Variants in MIP observed in about 807,000 individuals in gnomAD.
MIP encodes the protein major intrinsic protein of lens fiber.
A neutral mutation model predicts 21.8 loss-of-function variants in MIP; 14 were observed. That is an observed-to-expected ratio of 0.64 (90% confidence interval 0.42 to 1.00). MIP has a LOEUF of 1.00. MIP is among the 50% of genes least tolerant of loss of function. The pLI, the probability that MIP is intolerant of heterozygous loss-of-function variation, is 0.00. For missense variants in MIP, 260 were observed against 333.5 expected (o/e 0.78, Z 1.72); for synonymous variants, 133 against 141.4 (o/e 0.94, Z 0.42).
rs1001940981 is a variant in MIP, at chr12:56,454,600, C to T, written c.14G>A (p.Arg5Gln). 1.6e-5 allele frequency: 26 copies of T among 1,613,916 alleles called. No individual in the cohort carries two copies. The highest frequency in any genetic ancestry group is 1.9e-5 in the Non-Finnish European group (23 of 1,180,004). ...TATGGCCCTCCAAAAGGAGGCTGAT[C>T]GCAGTTCCCACATGGCAGGGGGGAT... MWEL[R>Q]SASFWRAIFA... Residue 5 changes from arginine to glutamine, a missense_variant, in exon 1 of 4, where the codon CGA (arginine) becomes CAA (glutamine). Transcript: ENST00000652304.
rs368395591 is a variant in MIP, at chr12:56,453,514, G to A, written c.525+77C>T. On this transcript the variant is annotated intron_variant, in intron 2 of 3. Coordinates refer to ENST00000652304, the MANE Select transcript of MIP (RefSeq NM_012064.4). ...TCATGTTTGACAGTGAAGTAGGCAG[G>A]AAGAACCCTTAAAAGTTGGGAAAGG... The A allele has an allele frequency of 4.6e-6, 7 of 1,519,684 alleles. No homozygotes were observed. The African/African-American group carries it at 9.6e-5, about 21-fold the overall frequency. The allele number at this position is 1,519,684 out of a possible 1,614,324, so 94.1% of individuals were successfully genotyped here.
chr12:56,454,300 T>G lies in MIP; in HGVS notation c.314A>C (p.Tyr105Ser). Residue 105 changes from tyrosine to serine, a missense_variant, in exon 1 of 4, where the codon TAT becomes TCT. Tyr to Ser is a moderately radical substitution (Grantham distance 144). Coordinates refer to ENST00000652304, the MANE Select transcript of MIP (RefSeq NM_012064.4). Reference sequence around the variant, plus strand: ...TCGGACAGCAGGTGGGGTAACGCTATACAGCACAGCGGCCCCAGCCACAGC... The same window carrying G: ...TCGGACAGCAGGTGGGGTAACGCTAGACAGCACAGCGGCCCCAGCCACAGC... ...LGAVAGAAVLYSVTPPAVRGN... is the reference protein window; with the variant it reads ...LGAVAGAAVLSSVTPPAVRGN... 6.2e-7 allele frequency: 1 copy of G among 1,614,068 alleles called. No individual in the cohort carries two copies. Among genetic ancestry groups the G allele is most frequent in the Non-Finnish European group, 8.5e-7 (1 of 1,180,024 alleles).
At position 56,449,583 on chromosome 12, in the gene MIP, A is replaced by G. The variant is rs1039971634; in HGVS notation, c.*1697T>C. On this transcript the variant is annotated 3_prime_UTR_variant, in exon 4 of 4. Coordinates refer to ENST00000652304, the MANE Select transcript of MIP (RefSeq NM_012064.4). Reference sequence around the variant, plus strand: ...TTTCTGCTGAATTATAGTAGAATCAAAGTCCGATTAGAGGTGAATTTACAA... The same window carrying G: ...TTTCTGCTGAATTATAGTAGAATCAGAGTCCGATTAGAGGTGAATTTACAA... 1 of 152,238 alleles carries G rather than the reference A, an allele frequency of 6.6e-6. No individual in the cohort carries two copies. The highest frequency in any genetic ancestry group is 1.5e-5 in the Non-Finnish European group (1 of 68,036). The allele number at this position is 152,238 out of a possible 1,614,324, so 9.4% of individuals were successfully genotyped here. A position where few individuals can be genotyped will look rare whatever the true frequency, so the allele number is the denominator to read the frequency against.
Position 56,449,913 on chromosome 12 carries a change from C to T in MIP, c.*1367G>A, listed in dbSNP as rs377539610. ...GGGCTGTGCTCTGGCCCCCTGTAAT[C>T]CCAGCTACTGGGGAGGCTGAAGCAG... On this transcript the variant is annotated 3_prime_UTR_variant, in exon 4 of 4. Coordinates refer to ENST00000652304, the MANE Select transcript of MIP (RefSeq NM_012064.4). The T allele has an allele frequency of 6.6e-6, 1 of 152,158 alleles. No individual in the cohort carries two copies. The highest frequency in any genetic ancestry group is 1.5e-5 in the Non-Finnish European group (1 of 68,084). 9.4% of individuals were successfully genotyped at this position (152,158 alleles called of 1,614,324 possible).
Position 56,451,400 on chromosome 12 carries a change from G to A in MIP, c.672C>T (p.Phe224=), listed in dbSNP as rs1000243332. 6.2e-7 allele frequency: 1 copy of A among 1,614,024 alleles called. No homozygotes were observed. The highest frequency in any genetic ancestry group is 8.5e-7 in the Non-Finnish European group (1 of 1,180,040). The part of the protein sequence containing the change: ...LGSLLYDFLL[F]PRLKSISERL... ...TCTCAGAAATACTCTTGAGCCGGGG[G>A]AAGAGAAGAAAGTCGTACAGGAGGC... Residue 224 remains phenylalanine, a synonymous_variant, in exon 4 of 4, where the codon TTC becomes TTT. Coordinates refer to ENST00000652304, the MANE Select transcript of MIP (RefSeq NM_012064.4).
Position 56,453,149 on chromosome 12 carries a change from A to G in MIP, c.529T>C (p.Tyr177His), listed in dbSNP as rs751497665. Residue 177 changes from tyrosine (Y) to histidine (H), a missense_variant, in exon 3 of 4, where the codon TAT becomes CAT. Tyr to His is a moderately conservative substitution (Grantham distance 83, BLOSUM62 2). Transcript: ENST00000652304. ...SLALGHLFGM[Y>H]YTGAGMNPAR... ...GGATTCATGCCTGCACCAGTATAAT[A>G]CATCTGCAAAAGAGACAGTTGTAAC... 3.7e-6 allele frequency: 6 copies of G among 1,611,216 alleles called. No homozygotes were observed. In the South Asian group the frequency reaches 6.6e-5, roughly 18 times the overall value.
At chr12:56,454,705 T>G, upstream of MIP, 1 of 1,539,410 alleles carries the variant, frequency 6.5e-7, no homozygotes, top group African/African-American at 1.4e-5. Flanking sequence ...TCTTAATCCC[T>G]GGGAGGGGCA....
In MIP at chr12:56,451,038, GCA is replaced by G; in HGVS notation, c.*240_*241del. The G allele has an allele frequency of 1.9e-6, 1 of 527,370 alleles. No homozygotes were observed. Among genetic ancestry groups the G allele is most frequent in the Non-Finnish European group, 3.4e-6 (1 of 293,656 alleles). 32.7% of individuals were successfully genotyped at this position (527,370 alleles called of 1,614,324 possible). ...ACACTCACATTCATATGCACAATCAGCACACACGGCGAAGGGTGGTGGGATGG... is the reference window on the plus strand; with the variant it reads ...ACACTCACATTCATATGCACAATCAGCACACGGCGAAGGGTGGTGGGATGG... On this transcript the variant is annotated 3_prime_UTR_variant, in exon 4 of 4. Transcript: ENST00000652304.
In MIP at chr12:56,451,289, C is replaced by T. The variant is rs1482659479; in HGVS notation, c.783G>A (p.Gln261=). The change falls in exon 4 of 4, where the codon CAG becomes CAA. Residue 261 remains glutamine, a synonymous_variant. Coordinates refer to ENST00000652304, the MANE Select transcript of MIP (RefSeq NM_012064.4). ...VTGEPVELNT[Q]AL is the part of the protein sequence containing the mutation. The stretch of plus-strand genomic sequence containing the variant: ...TATTCAGCTGGAGCTTCTACAGGGC[C>T]TGGGTGTTCAGTTCAACAGGTTCCC... 6.2e-7 allele frequency: 1 copy of T among 1,613,466 alleles called. No individual in the cohort carries two copies. The highest frequency in any genetic ancestry group is 1.3e-5 in the African/African-American group (1 of 74,902).
chr12:56,454,232 T>A (rs1868720745), intron 1 of MIP, 22 bp downstream of exon 1: 1 of 1,613,714 alleles, frequency 6.2e-7, no homozygotes, highest in African/African-American at 1.3e-5. Flanking sequence ...AGGTTCCCCA[T>A]CCCCTCTCAG....
At position 56,451,187 on chromosome 12, in the gene MIP, C is replaced by G; in HGVS notation, c.*93G>C. 9.1e-7 allele frequency: 1 copy of G among 1,093,938 alleles called. No homozygotes were observed. The highest frequency in any genetic ancestry group is 1.4e-6 in the Non-Finnish European group (1 of 724,460). 67.8% of individuals were successfully genotyped at this position (1,093,938 alleles called of 1,614,324 possible). On this transcript the variant is annotated 3_prime_UTR_variant, in exon 4 of 4. Coordinates refer to ENST00000652304, the MANE Select transcript of MIP (RefSeq NM_012064.4). Reference sequence around the variant, plus strand: ...AGTTAAAAAATAAAGAAGTACATGACCCTCCCCACAGTCTCTTTCTTCATC... The same window carrying G: ...AGTTAAAAAATAAAGAAGTACATGAGCCTCCCCACAGTCTCTTTCTTCATC...
chr12:56,453,220 C>G, intron 2 of MIP, 68 bp from the exon 3 acceptor site: 2 of 1,164,686 alleles, frequency 1.7e-6, no homozygotes, highest in South Asian at 2.5e-5. Context: ...CCACAACCCA[C>G]ATTGCCCCTG....
chr12:56,453,611 C>T lies in MIP; in HGVS notation c.505G>A (p.Ala169Thr). ...SVALAVGFSLALGHLFGMYYT... is the reference protein window; with the variant it reads ...SVALAVGFSLTLGHLFGMYYT... The stretch of plus-strand genomic sequence containing the variant: ...CTTACCCCAAAGAGGTGCCCCAGGG[C>T]AAGGGAGAAGCCAACGGCCAGGGCC... The change falls in exon 2 of 4, where the codon GCC (alanine) becomes ACC (threonine). Residue 169 changes from alanine (A) to threonine (T), a missense_variant. Physicochemically the swap from Ala to Thr is moderately conservative, Grantham distance 58. Transcript: ENST00000652304. 1 of 1,614,268 alleles carries T rather than the reference C, an allele frequency of 6.2e-7. No individual in the cohort carries two copies. Among genetic ancestry groups the T allele is most frequent in the Non-Finnish European group, 8.5e-7 (1 of 1,180,050 alleles).
chr12:56,456,404 A>G (rs1018718373), upstream of MIP, among the ~76,000 whole-genome samples: 5 of 152,176 alleles, frequency 3.3e-5, no homozygotes, highest in African/African-American at 1.2e-4. Context: ...TGGGAGGCCA[A>G]CGCGGGTGGA....
chr12:56,453,677 C>T lies in MIP; in HGVS notation c.439G>A (p.Ala147Thr). The T allele has an allele frequency of 1.9e-6, 3 of 1,614,228 alleles. No individual in the cohort carries two copies. The highest frequency in any genetic ancestry group is 2.5e-6 in the Non-Finnish European group (3 of 1,180,054). ...CCATTCCGCCTCTCGTCGTATGTGG[C>T]AAAGATGCAGAGCACGAACTGGAGC... ...LTLQFVLCIF[A>T]TYDERRNGQL... Residue 147 changes from alanine to threonine, a missense_variant, in exon 2 of 4, where the codon GCC becomes ACC. By Grantham distance (58) the Ala-to-Thr change is moderately conservative. Coordinates refer to ENST00000652304, the MANE Select transcript of MIP (RefSeq NM_012064.4).
At chr12:56,455,539 G>T (rs781024858), upstream of MIP, among the ~76,000 whole-genome samples, 37 of 152,220 alleles carry the variant, frequency 2.4e-4, no homozygotes, top group Non-Finnish European at 4.4e-4. Flanking sequence ...CTTTAATACA[G>T]CCATGATCAG....
chr12:56,453,072 C>A lies in MIP; in HGVS notation c.606G>T (p.Trp202Cys). ...ATCTTGCCCCTCTCCCTTCACTCACCCAGTGGTTAGTGAAGTTCCCAGTGA... is the reference window on the plus strand; with the variant it reads ...ATCTTGCCCCTCTCCCTTCACTCACACAGTGGTTAGTGAAGTTCCCAGTGA... ...AILTGNFTNHWVYWVGPIIGG... is the reference protein window; with the variant it reads ...AILTGNFTNHCVYWVGPIIGG... The change falls in exon 3 of 4, where the codon TGG becomes TGT. Residue 202 changes from tryptophan (W) to cysteine (C), a missense_variant and splice_region_variant. By Grantham distance (215) the Trp-to-Cys change is radical (BLOSUM62 -2). Transcript: ENST00000652304. 4 of 1,606,196 alleles carry A rather than the reference C, an allele frequency of 2.5e-6. No homozygotes were observed. The highest frequency in any genetic ancestry group is 3.4e-6 in the Non-Finnish European group (4 of 1,172,858).
At chr12:56,454,706 G>A, upstream of MIP, 1 of 1,529,280 alleles carries the variant, frequency 6.5e-7, no homozygotes, top group South Asian at 1.2e-5. Context: ...CTTAATCCCT[G>A]GGAGGGGCAG....
At position 56,454,404 on chromosome 12, in the gene MIP, T is replaced by A; in HGVS notation, c.210A>T (p.Ala70=). The A allele has an allele frequency of 1.2e-6, 2 of 1,614,134 alleles. No homozygotes were observed. The highest frequency in any genetic ancestry group is 1.7e-6 in the Non-Finnish European group (2 of 1,180,030). ...AGCCCACAAGGAAAGCAAAAGTGACTGCAGGATTGACGTGGGCTCCACTGA... is the reference window on the plus strand; with the variant it reads ...AGCCCACAAGGAAAGCAAAAGTGACAGCAGGATTGACGTGGGCTCCACTGA... ...GHISGAHVNP[A]VTFAFLVGSQ... The change falls in exon 1 of 4, where the codon GCA becomes GCT. Residue 70 remains alanine, a synonymous_variant. Coordinates refer to ENST00000652304, the MANE Select transcript of MIP (RefSeq NM_012064.4).
Sources: allele counts gnomAD v4.1 joint callset (sites outside exome capture counted in the v4.1 genomes callset), GRCh38; gene constraint gnomAD v4.1.1; transcripts MANE v1.5; gene names NCBI Gene and HGNC (gene_info 2026-07-23, HGNC 2026-07-21).